SIDT1: variants seen among roughly 807,000 people sequenced by gnomAD.
The protein encoded by SIDT1 is SID1 transmembrane family, member 1.
In SIDT1, 101 loss-of-function variants were observed where a neutral mutation model predicts 107.5. That is an observed-to-expected ratio of 0.94 (90% CI 0.80 to 1.11). SIDT1 has a LOEUF of 1.11. SIDT1 is among the 50% of genes least tolerant of loss of function. The pLI is 0.00. For synonymous variants in SIDT1, 395 were observed against 398.2 expected (o/e 0.99, Z 0.10); for missense variants, 1,076 against 1,058.2 (o/e 1.02, Z -0.23).
intron 1 of SIDT1, among the ~76,000 whole-genome samples, chr3:113,549,024 T>A (rs941503789): frequency 6.6e-6 from 1 of 152,176 alleles, no homozygotes; most frequent in Admixed American, 6.5e-5. Flanking sequence ...CATACTTGCT[T>A]CTTCTACATA....
At chr3:113,543,852 C>G (rs947472558) in intron 1 of SIDT1, among the ~76,000 whole-genome samples, 1 of 152,178 alleles carries the variant, frequency 6.6e-6, no homozygotes. Context: ...TCCCTATAAG[C>G]AAATTATTTT....
At chr3:113,620,759 A>G (rs1946412415) in intron 21 of SIDT1, among the ~76,000 whole-genome samples, 1 of 152,174 alleles carries the variant, frequency 6.6e-6, no homozygotes, top group Non-Finnish European at 1.5e-5. Flanking sequence ...CCACCCTTCT[A>G]GCAGACTCCA....
chr3:113,554,479 C>T (rs752908355), intron 1 of SIDT1, among the ~76,000 whole-genome samples: 37 of 152,220 alleles, frequency 2.4e-4, no homozygotes, highest in Admixed American at 5.9e-4. Flanking sequence ...ATAGTGAATA[C>T]GTCTCACAAG....
At chr3:113,570,152 G>A (rs560378309) in intron 3 of SIDT1, among the ~76,000 whole-genome samples, 10 of 152,270 alleles carry the variant, frequency 6.6e-5, no homozygotes, top group South Asian at 2.1e-4. Flanking sequence ...CGATCCACCC[G>A]CCTCGGCCTC....
chr3:113,618,765 G>T (rs933117362), intron 20 of SIDT1, among the ~76,000 whole-genome samples: 1 of 152,216 alleles, frequency 6.6e-6, no homozygotes, highest in East Asian at 1.9e-4. Flanking sequence ...TAAGTAGTAT[G>T]CAAAGAACAG....
intron 2 of SIDT1, 65 bp downstream of exon 2, chr3:113,566,606 T>C (rs1486652688): frequency 6.4e-7 from 1 of 1,552,418 alleles, no homozygotes; most frequent in African/African-American, 1.4e-5. Flanking sequence ...TAGAACTTAA[T>C]TGGTCTTTTC....
At chr3:113,539,821 G>A (rs1938601139) in intron 1 of SIDT1, among the ~76,000 whole-genome samples, 10 of 152,212 alleles carry the variant, frequency 6.6e-5, no homozygotes, top group African/African-American at 2.4e-4. Context: ...TGGCCAAAAT[G>A]GCGAAACCCC....
chr3:113,578,088 T>G (rs994974599), intron 4 of SIDT1, among the ~76,000 whole-genome samples: 2 of 152,268 alleles, frequency 1.3e-5, no homozygotes, highest in African/African-American at 4.8e-5. Flanking sequence ...CTTAATATAC[T>G]GCCCTCAATA....
At chr3:113,533,687 G>C (rs543859359) in intron 1 of SIDT1, among the ~76,000 whole-genome samples, 1 of 152,352 alleles carries the variant, frequency 6.6e-6, no homozygotes, top group South Asian at 2.1e-4. Flanking sequence ...CATGGGGAGG[G>C]AGAACTGCTC....
At chr3:113,545,114 TAAAAA>T (rs554009768) in intron 1 of SIDT1, among the ~76,000 whole-genome samples, 2,986 of 73,892 alleles carry the variant, frequency 0.04, 74 homozygotes, top group African/African-American at 0.1. Flanking sequence ...GAGACTCTGT[TAAAAA>T]AAAAAAAAAA....
Position 113,628,720 on chromosome 3 carries a change from A to G in SIDT1, c.*1012A>G. 6.6e-6 allele frequency: 1 copy of G among 152,288 alleles called. No homozygotes were observed. Among genetic ancestry groups the G allele is most frequent in the East Asian group, 1.9e-4 (1 of 5,194 alleles). 9.4% of individuals were successfully genotyped at this position (152,288 alleles called of 1,614,324 possible). ...AGAAATCAGCATTCTAATCAGGGAC[A>G]CTACTTCAGGAGTCCTCCACAGCGA... On this transcript the variant is annotated 3_prime_UTR_variant, in exon 25 of 25. Coordinates refer to ENST00000264852, the MANE Select transcript of SIDT1 (RefSeq NM_017699.3).
In SIDT1 at chr3:113,613,624, G is replaced by A. The variant is rs560411992; in HGVS notation, c.1966+1430G>A. Among the ~76,000 whole-genome samples the A allele has an allele frequency of 1.4e-4, 21 of 152,290 alleles. No homozygotes were observed. The South Asian group carries it at 2.1e-3, about 15-fold the overall frequency. On this transcript the variant is annotated intron_variant, in intron 19 of 24. Transcript: ENST00000264852. ...TTGTGTAGAACATTTGGCAGGGCAC[G>A]CTGGTCATGATCCTCCACCAGACAG...
chr3:113,588,185 A>G (rs995657251), intron 9 of SIDT1, among the ~76,000 whole-genome samples: 7 of 152,238 alleles, frequency 4.6e-5, no homozygotes, highest in African/African-American at 1.7e-4. Context: ...AAGCTGTGGT[A>G]TAAGGCTCTA....
chr3:113,603,575 G>A (rs41271369), intron 12 of SIDT1, among the ~76,000 whole-genome samples: 30,885 of 151,994 alleles, frequency 0.2, 3,237 homozygotes, highest in Non-Finnish European at 0.21. Context: ...GATATGAAGG[G>A]GAAACGTACA....
intron 10 of SIDT1, chr3:113,595,041 A>G (rs1422663398): frequency 6.5e-6 from 1 of 154,134 alleles, no homozygotes; most frequent in African/African-American, 2.4e-5. Context: ...TCATACACTT[A>G]TTGTTAAACC....
At chr3:113,592,799 G>C in intron 9 of SIDT1, 1 of 512,786 alleles carries the variant, frequency 2.0e-6, no homozygotes, top group Non-Finnish European at 3.6e-6. Context: ...TATTGGCCAG[G>C]CTGGTCTTGA....
At chr3:113,617,331 A>G (rs1946177793) in intron 20 of SIDT1, among the ~76,000 whole-genome samples, 1 of 152,218 alleles carries the variant, frequency 6.6e-6, no homozygotes, top group African/African-American at 2.4e-5. Flanking sequence ...ATATTTCTAT[A>G]GTGAGCCCAG....
rs1408459179 is a variant in SIDT1, at chr3:113,607,039, A to G, written c.1405-2A>G. On this transcript the variant is annotated splice_acceptor_variant, in intron 14 of 24. Transcript: ENST00000264852. LOFTEE classifies it high-confidence loss of function. ...TTCCTCTTCTCACTCTTGATTTTACAGGTGGTAAATGTCACTGGCAACCAG... is the reference window on the plus strand; with the variant it reads ...TTCCTCTTCTCACTCTTGATTTTACGGGTGGTAAATGTCACTGGCAACCAG... 1 of 1,598,296 alleles carries G rather than the reference A, an allele frequency of 6.3e-7. No individual in the cohort carries two copies. Among genetic ancestry groups the G allele is most frequent in the Admixed American group, 1.7e-5 (1 of 59,982 alleles).
intron 1 of SIDT1, among the ~76,000 whole-genome samples, chr3:113,549,124 G>A (rs1939928884): frequency 6.6e-6 from 1 of 152,030 alleles, no homozygotes; most frequent in Admixed American, 6.6e-5. Flanking sequence ...TCATTGTCTG[G>A]ATATACCACA....
Sources: gnomAD v4.1 joint callset for allele counts (sites outside exome capture counted in the v4.1 genomes callset) on GRCh38, gnomAD v4.1.1 for gene constraint, MANE v1.5 for transcripts, NCBI Gene and HGNC (gene_info 2026-07-23, HGNC 2026-07-21) for gene names.